Variants in FNDC3A observed in about 807,000 individuals in gnomAD.
The protein encoded by FNDC3A is fibronectin type-III domain-containing protein 3A.
A neutral mutation model predicts 148.9 loss-of-function variants in FNDC3A; 32 were observed. The ratio of observed to expected loss-of-function variants is 0.21; its 90% confidence interval spans 0.16 to 0.29. The LOEUF (loss-of-function observed/expected upper bound fraction) is 0.29. Ranked by LOEUF, FNDC3A falls within the 10% of genes least tolerant of loss-of-function variation. FNDC3A has a pLI of 1.00. For missense variants in FNDC3A, 1,191 were observed against 1,452.8 expected (o/e 0.82, Z 2.93); for synonymous variants, 472 against 473.6 (o/e 1.00, Z 0.04).
chr13:49,077,996 A>G (rs1279747219), intron 3 of FNDC3A, among the ~76,000 whole-genome samples: 1 of 152,222 alleles, frequency 6.6e-6, no homozygotes, highest in African/African-American at 2.4e-5. Flanking sequence ...CATAGAGTGT[A>G]AGTTTCTAAT....
chr13:48,978,991 TCTGTCTTCCCA>T (rs1225477131), intron 1 of FNDC3A, among the ~76,000 whole-genome samples: 1 of 152,202 alleles, frequency 6.6e-6, no homozygotes, highest in African/African-American at 2.4e-5. Context: ...TTCTTACCTT[TCTGTCTTCCCA>T]CTGTTGTGGT....
chr13:49,180,336 G>A (rs1162658722), intron 14 of FNDC3A, among the ~76,000 whole-genome samples: 1 of 152,138 alleles, frequency 6.6e-6, no homozygotes, highest in Non-Finnish European at 1.5e-5. Flanking sequence ...ATTACTTCTT[G>A]AGAATCTTAA....
intron 19 of FNDC3A, among the ~76,000 whole-genome samples, chr13:49,191,600 G>C (rs141253910): frequency 5.3e-4 from 80 of 152,214 alleles, no homozygotes; most frequent in African/African-American, 1.6e-3. Context: ...CCCACTTACA[G>C]TTTGTGACAC....
At position 49,167,448 on chromosome 13, in the gene FNDC3A, C is replaced by T. The variant is rs113723122; in HGVS notation, c.1037+145C>T. The stretch of plus-strand genomic sequence containing the variant: ...CTTTGTGGGCTGGGCGCAGTGCGCC[C>T]GTAATCCCAGCACTTTGGGTGGCCA... On this transcript the variant is annotated intron_variant, in intron 9 of 25. Coordinates refer to ENST00000492622, the MANE Select transcript of FNDC3A (RefSeq NM_001079673.2). The T allele has an allele frequency of 4.6e-5, 25 of 545,688 alleles. No individual in the cohort carries two copies. The East Asian group carries it at 5.4e-4, about 12-fold the overall frequency. 33.8% of individuals were successfully genotyped at this position (545,688 alleles called of 1,614,324 possible).
intron 1 of FNDC3A, among the ~76,000 whole-genome samples, chr13:49,000,138 A>G (rs189187370): frequency 6.6e-6 from 1 of 152,298 alleles, no homozygotes; most frequent in African/African-American, 2.4e-5. Flanking sequence ...TTTTGCTGTC[A>G]TATCCAAGAA....
At chr13:49,202,644 T>C (rs1458664300) in intron 24 of FNDC3A, among the ~76,000 whole-genome samples, 3 of 152,204 alleles carry the variant, frequency 2.0e-5, no homozygotes, top group South Asian at 2.1e-4. Context: ...TCTAATAATA[T>C]TGAGTTTCAC....
At chr13:48,999,393 G>A (rs1348258998) in intron 1 of FNDC3A, among the ~76,000 whole-genome samples, 5 of 152,120 alleles carry the variant, frequency 3.3e-5, no homozygotes, top group Non-Finnish European at 4.4e-5. Context: ...CCTGTCCCAC[G>A]ATTGTCTTTT....
intron 2 of FNDC3A, among the ~76,000 whole-genome samples, chr13:49,065,282 C>A (rs951773948): frequency 2.6e-5 from 4 of 152,052 alleles, no homozygotes; most frequent in African/African-American, 9.7e-5. Flanking sequence ...GCTCAGGAAC[C>A]CAGGAGGGAA....
chr13:49,168,739 T>A lies in FNDC3A; in HGVS notation c.1164T>A (p.Thr388=), dbSNP rs1425061019. ...CCAATCGGACCAAAAATTCACTCACTTTGCAATGGAAGGTAAGAATATTCT... is the reference window on the plus strand; with the variant it reads ...CCAATCGGACCAAAAATTCACTCACATTGCAATGGAAGGTAAGAATATTCT... The part of the protein sequence containing the change: ...RIANRTKNSL[T]LQWKAPSDNG... The change falls in exon 10 of 26, where the codon ACT becomes ACA. Residue 388 remains threonine (T), a synonymous_variant. Transcript: ENST00000492622. 6.2e-7 allele frequency: 1 copy of A among 1,613,480 alleles called. No homozygotes were observed. The highest frequency in any genetic ancestry group is 8.5e-7 in the Non-Finnish European group (1 of 1,179,698).
intron 2 of FNDC3A, among the ~76,000 whole-genome samples, chr13:49,028,914 T>G (rs1387546103): frequency 6.6e-6 from 1 of 152,224 alleles, no homozygotes; most frequent in Non-Finnish European, 1.5e-5. Flanking sequence ...TTTTCAAGTA[T>G]ACATGGATCA....
At chr13:49,185,355 T>C (rs760562844) in intron 14 of FNDC3A, among the ~76,000 whole-genome samples, 2 of 152,194 alleles carry the variant, frequency 1.3e-5, no homozygotes, top group Non-Finnish European at 2.9e-5. Flanking sequence ...TATGAGGTTG[T>C]AATCAAGATG....
intron 1 of FNDC3A, among the ~76,000 whole-genome samples, chr13:48,991,268 G>A (rs949639124): frequency 6.6e-6 from 1 of 152,120 alleles, no homozygotes; most frequent in Non-Finnish European, 1.5e-5. Flanking sequence ...AAAGAAAACT[G>A]AAATCAGTAA....
intron 7 of FNDC3A, among the ~76,000 whole-genome samples, chr13:49,140,005 A>T (rs1882598296): frequency 6.6e-6 from 1 of 152,214 alleles, no homozygotes; most frequent in Admixed American, 6.5e-5. Flanking sequence ...TTAATAGCTA[A>T]TGCTAGTAGC....
chr13:49,027,164 A>G (rs1345494477), intron 2 of FNDC3A, among the ~76,000 whole-genome samples: 1 of 152,208 alleles, frequency 6.6e-6, no homozygotes, highest in East Asian at 1.9e-4. Flanking sequence ...TGAGTGGCAG[A>G]TTTGAGACTA....
At chr13:49,055,410 A>C (rs191907731) in intron 2 of FNDC3A, among the ~76,000 whole-genome samples, 189 of 152,088 alleles carry the variant, frequency 1.2e-3, no homozygotes, top group African/African-American at 4.5e-3. Context: ...AAATGGGTTC[A>C]GGGCATGACG....
intron 8 of FNDC3A, among the ~76,000 whole-genome samples, chr13:49,155,387 G>A (rs1306739710): frequency 6.6e-6 from 1 of 150,480 alleles, no homozygotes; most frequent in African/African-American, 2.5e-5. Flanking sequence ...TTTTTTTTGT[G>A]TGTCTATTTG....
chr13:49,111,725 C>CAAAA, intron 3 of FNDC3A, among the ~76,000 whole-genome samples: 1 of 83,082 alleles, frequency 1.2e-5, no homozygotes, highest in East Asian at 3.6e-4. Context: ...AACTCCGTCT[C>CAAAA]AAAAAAAAAA....
intron 2 of FNDC3A, among the ~76,000 whole-genome samples, chr13:49,051,314 A>G (rs1875827260): frequency 6.6e-6 from 1 of 151,950 alleles, no homozygotes. Context: ...TATTTTGCGG[A>G]TTTGTTTCAA....
chr13:49,063,793 G>A (rs1877062090), intron 2 of FNDC3A, among the ~76,000 whole-genome samples: 1 of 152,102 alleles, frequency 6.6e-6, no homozygotes, highest in African/African-American at 2.4e-5. Context: ...ACTGCTCTGA[G>A]CTGTTTTTCT....
Sources: allele counts gnomAD v4.1 joint callset (sites outside exome capture counted in the v4.1 genomes callset), GRCh38; gene constraint gnomAD v4.1.1; transcripts MANE v1.5; gene names NCBI Gene and HGNC (gene_info 2026-07-23, HGNC 2026-07-21).